The following SLC2A9 variants were observed in gnomAD, a reference collection of about 807,000 sequenced individuals.
The protein encoded by SLC2A9 is solute carrier family 2, facilitated glucose transporter member 9.
In SLC2A9, 39 loss-of-function variants were observed where a neutral mutation model predicts 50.6. The observed-to-expected ratio is 0.77, with a 90% CI of 0.60 to 1.01. The LOEUF is 1.01. Ranked by LOEUF, SLC2A9 falls within the 50% of genes least tolerant of loss-of-function variation. SLC2A9 has a pLI of 0.00. For missense variants in SLC2A9, 686 were observed against 677.6 expected (o/e 1.01, Z -0.14); for synonymous variants, 324 against 276.9 (o/e 1.17, Z -1.69).
intron 3 of SLC2A9, among the ~76,000 whole-genome samples, chr4:9,812,241 A>T (rs1033188858): frequency 3.3e-5 from 5 of 152,208 alleles, no homozygotes; most frequent in African/African-American, 1.2e-4. Flanking sequence ...GAATTAGTTT[A>T]TTCATTCAGC....
intron 6 of SLC2A9, among the ~76,000 whole-genome samples, chr4:9,938,046 C>A (rs977161690): frequency 2.6e-5 from 4 of 152,172 alleles, no homozygotes; most frequent in Admixed American, 2.6e-4. Context: ...CCTAAGCATG[C>A]CTTCATAATG....
chr4:9,782,035 G>T (rs767580702), intron 3 of SLC2A9: 6 of 1,465,916 alleles, frequency 4.1e-6, no homozygotes, highest in East Asian at 2.4e-5. Flanking sequence ...CCGAAATGCT[G>T]CCGCCAGGCA....
intron 6 of SLC2A9, among the ~76,000 whole-genome samples, chr4:9,921,523 A>G (rs1019180520): frequency 6.6e-6 from 1 of 152,242 alleles, no homozygotes. Flanking sequence ...AGCAGGCAGC[A>G]TCCCTAAAAC....
At chr4:9,896,192 G>T (rs553901911) in intron 8 of SLC2A9, among the ~76,000 whole-genome samples, 6 of 152,290 alleles carry the variant, frequency 3.9e-5, no homozygotes, top group African/African-American at 1.4e-4. Context: ...TATCTGAAGG[G>T]GTTGTGCCAT....
At chr4:9,815,093 C>G (rs1723390600) in intron 3 of SLC2A9, among the ~76,000 whole-genome samples, 1 of 152,136 alleles carries the variant, frequency 6.6e-6, no homozygotes, top group African/African-American at 2.4e-5. Context: ...ATATTTACTT[C>G]ATGGGTTGTC....
At chr4:9,854,681 A>G (rs997533484) in intron 10 of SLC2A9, among the ~76,000 whole-genome samples, 11 of 152,220 alleles carry the variant, frequency 7.2e-5, no homozygotes, top group African/African-American at 2.4e-4. Flanking sequence ...TCAGGCCAAT[A>G]TCCTTGATGA....
At chr4:9,837,642 G>C (rs1456809563) in intron 10 of SLC2A9, among the ~76,000 whole-genome samples, 1 of 152,212 alleles carries the variant, frequency 6.6e-6, no homozygotes, top group Non-Finnish European at 1.5e-5. Context: ...TATTGGTTAA[G>C]ACTCCTGATC....
At chr4:9,931,806 C>A (rs1313186087) in intron 6 of SLC2A9, among the ~76,000 whole-genome samples, 2 of 151,250 alleles carry the variant, frequency 1.3e-5, no homozygotes, top group Non-Finnish European at 2.9e-5. Flanking sequence ...ACGGGTTCTG[C>A]TCCCAGGAGG....
chr4:9,819,239 C>A (rs993667722), intron 3 of SLC2A9, among the ~76,000 whole-genome samples: 19 of 150,166 alleles, frequency 1.3e-4, no homozygotes, highest in Non-Finnish European at 2.7e-4. Flanking sequence ...GTAACAGAAA[C>A]AATATTTTGA....
downstream of SLC2A9, among the ~76,000 whole-genome samples, chr4:9,795,029 T>A (rs1402502316): frequency 6.8e-6 from 1 of 148,062 alleles, no homozygotes; most frequent in Admixed American, 6.7e-5. Flanking sequence ...TTTTTTTTTT[T>A]AAGACAAAGT....
chr4:9,910,683 T>G (rs1414930507), intron 7 of SLC2A9, among the ~76,000 whole-genome samples: 2 of 152,218 alleles, frequency 1.3e-5, no homozygotes, highest in African/African-American at 4.8e-5. Flanking sequence ...TCTTATGATG[T>G]GGCCAGCACC....
intron 10 of SLC2A9, among the ~76,000 whole-genome samples, chr4:9,835,999 A>C (rs1727018955): frequency 1.3e-5 from 2 of 148,594 alleles, no homozygotes; most frequent in South Asian, 4.3e-4. Flanking sequence ...AGGCAGGAGA[A>C]TCATTTGAAC....
chr4:9,797,411 A>G (rs977759752), downstream of SLC2A9, among the ~76,000 whole-genome samples: 35 of 152,052 alleles, frequency 2.3e-4, no homozygotes, highest in African/African-American at 8.2e-4. Flanking sequence ...TTGCATGACC[A>G]CTCTGGACTC....
intron 3 of SLC2A9, among the ~76,000 whole-genome samples, chr4:9,801,589 C>G (rs761853744): frequency 8.5e-5 from 13 of 152,184 alleles, no homozygotes; most frequent in Non-Finnish European, 1.8e-4. Flanking sequence ...TTCTCGCAGA[C>G]ATTAACTCTC....
chr4:9,944,239 G>C (rs930083910), intron 5 of SLC2A9, among the ~76,000 whole-genome samples: 4 of 152,208 alleles, frequency 2.6e-5, no homozygotes, highest in African/African-American at 7.2e-5. Flanking sequence ...TCAGGTCATG[G>C]GTGGCTTTGC....
chr4:9,942,822 T>C (rs1306443370), intron 5 of SLC2A9, among the ~76,000 whole-genome samples: 1 of 152,186 alleles, frequency 6.6e-6, no homozygotes, highest in Non-Finnish European at 1.5e-5. Flanking sequence ...AGTGTGCCAC[T>C]GAAAGAAGAG....
rs529791602 is a variant in SLC2A9 at position 9,843,972 on chromosome 4, C to T, written c.1292-8964G>A. On this transcript the variant is annotated intron_variant, in intron 10 of 11. Coordinates refer to ENST00000264784, the MANE Select transcript of SLC2A9 (RefSeq NM_020041.3). Reference sequence around the variant, plus strand: ...GTGGCTCTTGCCTTAGTAGCACATGCACTGTGGAAAAGGAAACCAGATTTG... The same window carrying T: ...GTGGCTCTTGCCTTAGTAGCACATGTACTGTGGAAAAGGAAACCAGATTTG... Among the ~76,000 whole-genome samples, 159 of 152,080 alleles carry T rather than the reference C, an allele frequency of 1.0e-3. 2 individuals carry two copies. Among genetic ancestry groups the T allele is most frequent in the African/African-American group, 3.5e-3 (147 of 41,482 alleles).
chr4:9,987,400 G>A (rs753226190), intron 3 of SLC2A9, among the ~76,000 whole-genome samples: 2 of 152,352 alleles, frequency 1.3e-5, no homozygotes, highest in African/African-American at 4.8e-5. Context: ...GATTACAGGC[G>A]TGAGCCACTG....
Position 9,920,387 on chromosome 4 carries a change from C to A in SLC2A9, c.1000G>T (p.Ala334Ser), listed in dbSNP as rs766098003. The change falls in exon 7 of 12, where the codon GCA becomes TCA. Residue 334 changes from alanine (A) to serine (S), a missense_variant and splice_region_variant. Physicochemically the swap from Ala to Ser is moderately conservative, Grantham distance 99. Transcript: ENST00000264784. ...MACYQLCGLN[A>S]IWFYTNSIFG... ...GCCCACCGGGCCCCAGGACTCACTG[C>A]ATTGAGGCCACAGAGCTGGTAGCAG... 48 of 1,613,966 alleles carry A rather than the reference C, an allele frequency of 3.0e-5. No individual in the cohort carries two copies. Among genetic ancestry groups the A allele is most frequent in the African/African-American group, 4.0e-5 (3 of 74,944 alleles).
Sources: allele counts gnomAD v4.1 joint callset (sites outside exome capture counted in the v4.1 genomes callset), GRCh38; gene constraint gnomAD v4.1.1; transcripts MANE v1.5; gene names NCBI Gene and HGNC (gene_info 2026-07-23, HGNC 2026-07-21).